TMTC1: variants seen among roughly 807,000 people sequenced by gnomAD.
TMTC1 encodes the protein transmembrane O-mannosyltransferase targeting cadherins 1.
Under a neutral mutation model 104.8 loss-of-function variants are expected in TMTC1, and 73 were observed. The observed-to-expected ratio is 0.70, with a 90% CI of 0.58 to 0.85. The LOEUF is 0.85. TMTC1 is among the 40% of genes least tolerant of loss of function. TMTC1 has a pLI of 0.00. For synonymous variants in TMTC1, 434 were observed against 428.7 expected, an observed-to-expected ratio of 1.01 and a Z score of -0.15; for missense variants, 1,035 against 1,096.1, an observed-to-expected ratio of 0.94 and a Z score of 0.79.
rs1943093307 is a variant in TMTC1 at position 29,751,678 on chromosome 12, C to A, written c.926G>T (p.Trp309Leu). 1.9e-6 allele frequency: 3 copies of A among 1,613,996 alleles called. No homozygotes were observed. The highest frequency in any genetic ancestry group is 1.7e-6 in the Non-Finnish European group (2 of 1,180,028). ...SGFPVSPRAV[W>L]SMMRFLTYSY... ...CCCAGCCCAGTACCTCATCATGGACCACACAGCTCGTGGGGACACTGGGAA... is the reference window on the plus strand; with the variant it reads ...CCCAGCCCAGTACCTCATCATGGACAACACAGCTCGTGGGGACACTGGGAA... Residue 309 changes from tryptophan (W) to leucine (L), a missense_variant, in exon 5 of 18, where the codon TGG (tryptophan) becomes TTG (leucine). Transcript: ENST00000539277.
intron 6 of TMTC1, among the ~76,000 whole-genome samples, chr12:29,623,166 GT>G (rs1410400457): frequency 6.6e-6 from 1 of 152,148 alleles, no homozygotes; most frequent in Non-Finnish European, 1.5e-5. Flanking sequence ...GAAAGAATTT[GT>G]TTTTGTTTTG....
chr12:29,641,708 C>A (rs1317262880), intron 5 of TMTC1, among the ~76,000 whole-genome samples: 2 of 152,064 alleles, frequency 1.3e-5, no homozygotes, highest in African/African-American at 4.8e-5. Flanking sequence ...AAAAAAATCA[C>A]ACTAGTTCAC....
At chr12:29,662,712 G>A (rs1037365463) in intron 5 of TMTC1, among the ~76,000 whole-genome samples, 5 of 151,374 alleles carry the variant, frequency 3.3e-5, no homozygotes, top group Non-Finnish European at 7.4e-5. Context: ...AAACACATGT[G>A]GCTCCTCTGC....
rs892467308 is a variant in TMTC1, at chr12:29,752,184, A to G, written c.732-312T>C. ...ACACTTCTTCACCCCTCACCCTCCA[A>G]ATAGGTTTCTCTCAGAATATTTGGT... On this transcript the variant is annotated intron_variant, in intron 4 of 17. Coordinates refer to ENST00000539277, the MANE Select transcript of TMTC1 (RefSeq NM_001193451.2). Among the ~76,000 whole-genome samples, 5 of 151,824 alleles carry G rather than the reference A, an allele frequency of 3.3e-5. No individual in the cohort carries two copies. The East Asian group carries it at 5.8e-4, about 18-fold the overall frequency.
chr12:29,544,242 CA>C (rs11316901), intron 10 of TMTC1, among the ~76,000 whole-genome samples: 33,642 of 119,046 alleles, frequency 0.28, 6,408 homozygotes, highest in African/African-American at 0.57. Context: ...AACTCCATCT[CA>C]AAAAAAAAAA....
chr12:29,587,942 C>T (rs1275453213), intron 7 of TMTC1, among the ~76,000 whole-genome samples: 2 of 152,114 alleles, frequency 1.3e-5, no homozygotes, highest in Non-Finnish European at 2.9e-5. Flanking sequence ...CTTTTTTCTC[C>T]ATCTTCTGTT....
chr12:29,738,744 T>C (rs1223756535), intron 5 of TMTC1, among the ~76,000 whole-genome samples: 2 of 152,202 alleles, frequency 1.3e-5, no homozygotes, highest in Admixed American at 6.5e-5. Flanking sequence ...CTGTGAAGTT[T>C]CCATTATTTT....
chr12:29,746,964 G>A (rs575249945), intron 5 of TMTC1, among the ~76,000 whole-genome samples: 3 of 152,280 alleles, frequency 2.0e-5, no homozygotes, highest in Non-Finnish European at 2.9e-5. Flanking sequence ...CATAGTAGGT[G>A]CTCAGTAAAC....
chr12:29,668,652 G>A (rs1296934033), intron 5 of TMTC1, among the ~76,000 whole-genome samples: 2 of 151,968 alleles, frequency 1.3e-5, no homozygotes. Context: ...GTAGAGACAG[G>A]GTTTTGCCAT....
At chr12:29,669,691 C>G (rs1940431470) in intron 5 of TMTC1, among the ~76,000 whole-genome samples, 1 of 152,178 alleles carries the variant, frequency 6.6e-6, no homozygotes, top group African/African-American at 2.4e-5. Flanking sequence ...CTACTATAAT[C>G]TTTTGTTAGT....
chr12:29,760,956 T>C (rs2120385171), intron 2 of TMTC1, among the ~76,000 whole-genome samples: 1 of 147,442 alleles, frequency 6.8e-6, no homozygotes, highest in East Asian at 2.0e-4. Flanking sequence ...ATATATATAC[T>C]ATATATCATA....
At chr12:29,784,140 G>T (rs1198889417), upstream of TMTC1, among the ~76,000 whole-genome samples, 1 of 152,034 alleles carries the variant, frequency 6.6e-6, no homozygotes, top group East Asian at 2.0e-4. Flanking sequence ...GAGCTGCGGG[G>T]AAGGACACCC....
chr12:29,557,047 G>T, intron 9 of TMTC1, 47 bp from the exon 10 acceptor site: 2 of 1,601,844 alleles, frequency 1.2e-6, no homozygotes, highest in Non-Finnish European at 1.7e-6. Flanking sequence ...AAACTTCTAA[G>T]TTGGGCACAA....
intron 10 of TMTC1, among the ~76,000 whole-genome samples, chr12:29,544,597 T>C (rs773922812): frequency 4.4e-4 from 67 of 152,338 alleles, no homozygotes; most frequent in Non-Finnish European, 3.1e-4. Flanking sequence ...TGCCCCACTG[T>C]GCCTTCCTCT....
chr12:29,557,808 T>C (rs939383168), intron 9 of TMTC1, among the ~76,000 whole-genome samples: 5 of 152,210 alleles, frequency 3.3e-5, no homozygotes, highest in Non-Finnish European at 7.3e-5. Context: ...AAGGATGATA[T>C]ATAATGTCAC....
At chr12:29,568,897 G>A (rs140152322) in intron 9 of TMTC1, 36 of 455,772 alleles carry the variant, frequency 7.9e-5, no homozygotes, top group African/African-American at 3.8e-4. Context: ...CAGGGTAACC[G>A]AACAGTCGGA....
intron 16 of TMTC1, among the ~76,000 whole-genome samples, chr12:29,512,871 T>G (rs1484175482): frequency 6.6e-6 from 1 of 152,242 alleles, no homozygotes; most frequent in African/African-American, 2.4e-5. Flanking sequence ...TTAAGGGTAT[T>G]GCCTTTAATT....
chr12:29,519,194 CATTAT>C (rs1215529799), intron 12 of TMTC1: 1 of 152,066 alleles, frequency 6.6e-6, no homozygotes, highest in Non-Finnish European at 1.5e-5. Context: ...TTGTCCAATG[CATTAT>C]ATATTTTTAA....
intron 10 of TMTC1, 110 bp from the exon 11 acceptor site, chr12:29,536,427 T>G (rs1172398181): frequency 1.4e-6 from 1 of 712,792 alleles, no homozygotes; most frequent in African/African-American, 1.8e-5. Context: ...GTTAGCTGAT[T>G]CACTCTGGAT....
Sources: gnomAD v4.1 joint callset for allele counts (sites outside exome capture counted in the v4.1 genomes callset) on GRCh38, gnomAD v4.1.1 for gene constraint, MANE v1.5 for transcripts, NCBI Gene and HGNC (gene_info 2026-07-23, HGNC 2026-07-21) for gene names.